Variants in GNB4 observed in about 807,000 individuals in gnomAD.
GNB4 encodes guanine nucleotide-binding protein subunit beta-4.
In GNB4, 28 loss-of-function variants were observed where a neutral mutation model predicts 45.2. The observed-to-expected ratio is 0.62, with a 90% confidence interval of 0.46 to 0.85. GNB4 has a LOEUF of 0.85. GNB4 is among the 40% of genes least tolerant of loss of function. The pLI is 0.00. For synonymous variants in GNB4, 132 were observed against 143.7 expected (o/e 0.92, Z 0.58); for missense variants, 321 against 425.4 (o/e 0.75, Z 2.16).
the GNB4 span, among the ~76,000 whole-genome samples, chr3:179,512,744 G>A: frequency 2.6e-5 from 4 of 152,170 alleles, no homozygotes; most frequent in African/African-American, 9.7e-5. Context: ...ATTGTGAAGT[G>A]TAATGAGCAT....
At chr3:179,524,750 A>G in the GNB4 span, among the ~76,000 whole-genome samples, 1 of 152,292 alleles carries the variant, frequency 6.6e-6, no homozygotes, top group South Asian at 2.1e-4. Flanking sequence ...ATTTGATGAA[A>G]AAGAGCCTAA....
the GNB4 span, among the ~76,000 whole-genome samples, chr3:179,515,912 C>T: frequency 6.6e-6 from 1 of 152,060 alleles, no homozygotes; most frequent in Admixed American, 6.5e-5. Flanking sequence ...TTAGAAGAAA[C>T]ATTTGTTGTA....
At chr3:179,435,045 A>G (rs1164087138) in intron 1 of GNB4, among the ~76,000 whole-genome samples, 1 of 152,206 alleles carries the variant, frequency 6.6e-6, no homozygotes, top group East Asian at 1.9e-4. Context: ...AATAAAATAA[A>G]TGAAATGGAA....
chr3:179,524,463 T>G, the GNB4 span, among the ~76,000 whole-genome samples: 1 of 152,250 alleles, frequency 6.6e-6, no homozygotes, highest in African/African-American at 2.4e-5. Flanking sequence ...GAAGTTTTTG[T>G]GTGCTGGAGA....
the GNB4 span, among the ~76,000 whole-genome samples, chr3:179,462,080 T>C: frequency 2.0e-5 from 3 of 152,316 alleles, no homozygotes; most frequent in South Asian, 2.1e-4. Context: ...CTTTCTAGCT[T>C]TATCTCTATG....
upstream of GNB4, among the ~76,000 whole-genome samples, chr3:179,455,988 A>C (rs553808546): frequency 4.6e-5 from 7 of 152,338 alleles, no homozygotes; most frequent in African/African-American, 1.2e-4. Context: ...AAGTGTTCCA[A>C]GAGAACAAGG....
chr3:179,482,928 T>C, the GNB4 span, among the ~76,000 whole-genome samples: 1 of 152,302 alleles, frequency 6.6e-6, no homozygotes, highest in South Asian at 2.1e-4. Flanking sequence ...ACAATTTCTC[T>C]CCTTCATCAT....
chr3:179,484,510 T>C, the GNB4 span, among the ~76,000 whole-genome samples: 3 of 152,230 alleles, frequency 2.0e-5, no homozygotes, highest in Non-Finnish European at 4.4e-5. Context: ...CAATTCATAA[T>C]TGAGTTTCAA....
the GNB4 span, among the ~76,000 whole-genome samples, chr3:179,471,771 C>T: frequency 1.2e-4 from 19 of 152,156 alleles, no homozygotes; most frequent in African/African-American, 3.1e-4. Flanking sequence ...CTATGGGATG[C>T]GCATGTAAAA....
intron 3 of GNB4, among the ~76,000 whole-genome samples, 187 bp downstream of exon 3, chr3:179,420,702 T>C (rs1714953802): frequency 6.6e-6 from 1 of 152,074 alleles, no homozygotes; most frequent in Non-Finnish European, 1.5e-5. Flanking sequence ...AGATGTCTAT[T>C]TTAACAATAT....
At chr3:179,496,444 A>G in the GNB4 span, among the ~76,000 whole-genome samples, 1 of 152,190 alleles carries the variant, frequency 6.6e-6, no homozygotes, top group Non-Finnish European at 1.5e-5. Context: ...AATAACTACA[A>G]GACAGTCAGA....
chr3:179,480,760 C>A, the GNB4 span, among the ~76,000 whole-genome samples: 1 of 152,180 alleles, frequency 6.6e-6, no homozygotes, highest in Admixed American at 6.5e-5. Context: ...GAATTTATCT[C>A]CTGGTCAGTC....
the GNB4 span, among the ~76,000 whole-genome samples, chr3:179,484,836 A>G: frequency 0.019 from 2,792 of 147,050 alleles, 94 homozygotes; most frequent in African/African-American, 0.066. Context: ...AGCTATATAT[A>G]TGTGTGTGTG....
At chr3:179,465,592 A>G in the GNB4 span, among the ~76,000 whole-genome samples, 1 of 152,066 alleles carries the variant, frequency 6.6e-6, no homozygotes, top group Admixed American at 6.5e-5. Context: ...TTGAGTTAAT[A>G]TTGAATTTAA....
the GNB4 span, among the ~76,000 whole-genome samples, chr3:179,490,723 C>T: frequency 6.6e-6 from 1 of 152,178 alleles, no homozygotes; most frequent in Non-Finnish European, 1.5e-5. Flanking sequence ...TTTGTTCTAG[C>T]TAAGCCCCCG....
chr3:179,414,734 A>AC (rs1211925872), intron 6 of GNB4, 151 bp downstream of exon 6: 10 of 522,760 alleles, frequency 1.9e-5, no homozygotes, highest in Non-Finnish European at 3.2e-5. Context: ...TGACTATAAA[A>AC]AGTTAATGTT....
chr3:179,441,593 C>T (rs1245447952), intron 1 of GNB4, among the ~76,000 whole-genome samples: 1 of 151,612 alleles, frequency 6.6e-6, no homozygotes, highest in African/African-American at 2.4e-5. Context: ...AACAAACAAA[C>T]AAACAAAAAT....
At chr3:179,414,427 C>A (rs576687385) in intron 6 of GNB4, among the ~76,000 whole-genome samples, 31 of 152,064 alleles carry the variant, frequency 2.0e-4, no homozygotes, top group Non-Finnish European at 3.5e-4. Context: ...GCAATAAATT[C>A]CTGATTAACA....
At chr3:179,430,660 T>C (rs1332111019) in intron 1 of GNB4, among the ~76,000 whole-genome samples, 5 of 151,186 alleles carry the variant, frequency 3.3e-5, no homozygotes, top group African/African-American at 4.9e-5. Context: ...TCTTGCTATG[T>C]TGCCCAGGCT....
Sources: gnomAD v4.1 joint callset for allele counts (sites outside exome capture counted in the v4.1 genomes callset) on GRCh38, gnomAD v4.1.1 for gene constraint, MANE v1.5 for transcripts, NCBI Gene and HGNC (gene_info 2026-07-23, HGNC 2026-07-21) for gene names.